Variants in RBM19 observed in about 807,000 individuals in gnomAD.
RBM19 encodes the protein probable RNA-binding protein 19.
RBM19 carries 94 observed loss-of-function variants against 116.8 expected under a neutral mutation model. That is an observed-to-expected ratio of 0.80 (90% confidence interval 0.68 to 0.95). The LOEUF (loss-of-function observed/expected upper bound fraction) is 0.95. Ranked by LOEUF, RBM19 falls within the 40% of genes least tolerant of loss-of-function variation. The pLI, the probability that RBM19 is intolerant of heterozygous loss-of-function variation, is 0.00. For synonymous variants in RBM19, 475 were observed against 494.1 expected (o/e 0.96, Z 0.51); for missense variants, 1,161 against 1,220.7 (o/e 0.95, Z 0.73).
chr12:113,922,314 G>A (rs1403300062), intron 18 of RBM19, among the ~76,000 whole-genome samples: 1 of 152,222 alleles, frequency 6.6e-6, no homozygotes, highest in Non-Finnish European at 1.5e-5. Flanking sequence ...GTTTCCTGCT[G>A]CAACCCTGAC....
At chr12:113,838,860 G>A (rs1166924778) in intron 23 of RBM19, among the ~76,000 whole-genome samples, 1 of 152,210 alleles carries the variant, frequency 6.6e-6, no homozygotes, top group Non-Finnish European at 1.5e-5. Context: ...TCACGCTGGT[G>A]GGGCACGGAC....
At chr12:113,819,490 G>A (rs1397025416), downstream of RBM19, among the ~76,000 whole-genome samples, 1 of 152,186 alleles carries the variant, frequency 6.6e-6, no homozygotes, top group Non-Finnish European at 1.5e-5. Context: ...AGTCAGTCCT[G>A]AGCCGGGTCA....
intron 14 of RBM19, among the ~76,000 whole-genome samples, chr12:113,941,107 C>G (rs1014591106): frequency 6.6e-6 from 1 of 152,154 alleles, no homozygotes; most frequent in South Asian, 2.1e-4. Flanking sequence ...AACCTGAGAC[C>G]TTGGGTCAAT....
intron 5 of RBM19, among the ~76,000 whole-genome samples, chr12:113,958,430 C>T (rs934970445): frequency 6.6e-6 from 1 of 152,106 alleles, no homozygotes; most frequent in Non-Finnish European, 1.5e-5. Context: ...GGGCTGGCTG[C>T]GTGGGCTTCT....
chr12:113,922,883 C>A (rs780093017), intron 18 of RBM19, among the ~76,000 whole-genome samples: 1 of 152,176 alleles, frequency 6.6e-6, no homozygotes, highest in Non-Finnish European at 1.5e-5. Flanking sequence ...CTTGTAATAC[C>A]AGCACTTTGG....
chr12:113,958,449 C>G (rs894043154), intron 5 of RBM19, among the ~76,000 whole-genome samples: 1 of 152,110 alleles, frequency 6.6e-6, no homozygotes, highest in Admixed American at 6.6e-5. Flanking sequence ...CTTCCACTGT[C>G]TCCTCCTGCT....
In RBM19 at chr12:113,950,232, C is replaced by G. The variant is rs531577290; in HGVS notation, c.1001-78G>C. On this transcript the variant is annotated intron_variant, in intron 8 of 23. Transcript: ENST00000261741. ...GGTGGTCCCCAGAGGAACACCCATA[C>G]TGTGCTAGGAGCAGAAAGTGAGGGA... is the stretch of plus-strand genomic sequence containing the variant. 5 of 1,199,558 alleles carry G rather than the reference C, an allele frequency of 4.2e-6. No homozygotes were observed. In the African/African-American group the frequency reaches 7.4e-5, roughly 18 times the overall value. 74.3% of individuals were successfully genotyped at this position (1,199,558 alleles called of 1,614,324 possible). A position where few individuals can be genotyped will look rare whatever the true frequency, so the allele number is the denominator to read the frequency against.
rs558005023 is a variant in RBM19, at chr12:113,903,711, T to C, written c.2558+11258A>G. On this transcript the variant is annotated intron_variant, in intron 21 of 23. Coordinates refer to ENST00000261741, the MANE Select transcript of RBM19 (RefSeq NM_016196.4). This position sits in a 1 kb window ranked among gnomAD's most constrained non-coding sequence, Gnocchi z 5.1. ...TGTACCCTCAGCAGAAATCTGATTTTCGGTAACATTTGCTGTGAGTCAGAG... is the reference window on the plus strand; with the variant it reads ...TGTACCCTCAGCAGAAATCTGATTTCCGGTAACATTTGCTGTGAGTCAGAG... Among the ~76,000 whole-genome samples the C allele has an allele frequency of 1.3e-5, 2 of 152,370 alleles. No individual in the cohort carries two copies. Among genetic ancestry groups the C allele is most frequent in the Admixed American group, 6.5e-5 (1 of 15,304 alleles).
chr12:113,962,248 T>G lies in RBM19; in HGVS notation c.203A>C (p.Asp68Ala). The change falls in exon 2 of 24, where the codon GAC becomes GCC. Residue 68 changes from aspartate (D) to alanine (A), a missense_variant. By Grantham distance (126) the Asp-to-Ala change is moderately radical (BLOSUM62 -2). Transcript: ENST00000261741. ...CCCACTCACTGTGATCCGGGATGTG[T>G]CGATGAAGCTCTTGTTGAAATGCTT... ...AQKHFNKSFI[D>A]TSRITVEFCK... 6.2e-7 allele frequency: 1 copy of G among 1,614,244 alleles called. No homozygotes were observed. The highest frequency in any genetic ancestry group is 8.5e-7 in the Non-Finnish European group (1 of 1,180,028).
rs1245998063 is a variant in RBM19 at position 113,822,507 on chromosome 12, G to A, written c.*717C>T. On this transcript the variant is annotated 3_prime_UTR_variant, in exon 24 of 24. Transcript: ENST00000261741. ...CTGGGCTTGGAGCTCGATGCTTCAT[G>A]AGCCGCTGGGAGGCTTCCCTGGGTG... 1 of 152,260 alleles carries A rather than the reference G, an allele frequency of 6.6e-6. No individual in the cohort carries two copies. Among genetic ancestry groups the A allele is most frequent in the Non-Finnish European group, 1.5e-5 (1 of 68,096 alleles). 9.4% of individuals were successfully genotyped at this position (152,260 alleles called of 1,614,324 possible).
chr12:113,963,887 G>A (rs1179610424), intron 1 of RBM19, among the ~76,000 whole-genome samples: 2 of 152,162 alleles, frequency 1.3e-5, no homozygotes, highest in African/African-American at 4.8e-5. Context: ...TCCCCTCTGG[G>A]TGATATTTCC....
At chr12:113,911,245 C>T (rs1029875999) in intron 21 of RBM19, among the ~76,000 whole-genome samples, 1 of 152,172 alleles carries the variant, frequency 6.6e-6, no homozygotes, top group Non-Finnish European at 1.5e-5. Flanking sequence ...GTGTGTCTTC[C>T]ACATTTCCTT....
Position 113,947,405 on chromosome 12 carries a change from CA to C in RBM19, c.1335del (p.Phe445LeufsTer13), listed in dbSNP as rs926516136. ...IDSLTKKPKG[F>X]AFITFMFPEH... ...TCAGGGAACATGAAGGTGATGAATGCAAAACCCTTGGGTTTCTTGGTCAGGC... is the reference window on the plus strand; with the variant it reads ...TCAGGGAACATGAAGGTGATGAATGCAAACCCTTGGGTTTCTTGGTCAGGC... On this transcript the variant is annotated frameshift_variant, in exon 11 of 24. Transcript: ENST00000261741. LOFTEE classifies it high-confidence loss of function. 5.4e-5 allele frequency: 87 copies of C among 1,611,612 alleles called. No individual in the cohort carries two copies. Among genetic ancestry groups the C allele is most frequent in the Non-Finnish European group, 6.7e-5 (79 of 1,177,998 alleles).
intron 21 of RBM19, among the ~76,000 whole-genome samples, chr12:113,900,359 T>C (rs752142072): frequency 5.3e-5 from 8 of 152,162 alleles, no homozygotes; most frequent in Non-Finnish European, 1.0e-4. Flanking sequence ...TGTTGACTTA[T>C]CAAAGACGCT....
chr12:113,950,205 G>T, intron 8 of RBM19, 51 bp from the exon 9 acceptor site: 1 of 1,454,868 alleles, frequency 6.9e-7, no homozygotes, highest in Non-Finnish European at 9.6e-7. Flanking sequence ...GCAGACACTT[G>T]TGGTGGTCCC....
At chr12:113,842,356 A>C (rs577864794) in intron 23 of RBM19, among the ~76,000 whole-genome samples, 10 of 152,336 alleles carry the variant, frequency 6.6e-5, no homozygotes, top group African/African-American at 2.4e-4. Context: ...TTACACAAAC[A>C]TTTGCCGACG....
intron 21 of RBM19, among the ~76,000 whole-genome samples, chr12:113,887,095 T>C (rs902616248): frequency 5.9e-5 from 9 of 152,214 alleles, no homozygotes; most frequent in African/African-American, 2.2e-4. Context: ...GAAAATCATA[T>C]GAAATTCCAA....
intron 14 of RBM19, among the ~76,000 whole-genome samples, chr12:113,941,605 C>G (rs1229115628): frequency 7.1e-6 from 1 of 140,276 alleles, no homozygotes; most frequent in Non-Finnish European, 1.6e-5. Flanking sequence ...ATCCATCCAT[C>G]CATCCAACCA....
intron 1 of RBM19, among the ~76,000 whole-genome samples, chr12:113,965,301 G>GA (rs1226908681): frequency 2.3e-5 from 3 of 132,432 alleles, no homozygotes; most frequent in Non-Finnish European, 4.9e-5. Flanking sequence ...AACAAAAAAA[G>GA]AAAAAAACAA....
Sources: allele counts gnomAD v4.1 joint callset (sites outside exome capture counted in the v4.1 genomes callset), GRCh38; gene constraint gnomAD v4.1.1; non-coding constraint Gnocchi (gnomAD v3.1); transcripts MANE v1.5; gene names NCBI Gene and HGNC (gene_info 2026-07-23, HGNC 2026-07-21).